Variants in CCDC39 observed in about 807,000 individuals in gnomAD.
CCDC39 encodes the protein coiled-coil domain-containing protein 39.
A neutral mutation model predicts 121.0 loss-of-function variants in CCDC39; 113 were observed. That is an observed-to-expected ratio of 0.93 (90% confidence interval 0.80 to 1.09). CCDC39 has a LOEUF of 1.09. Among genes scored for constraint, CCDC39 ranks in the 50% least tolerant of loss-of-function variants. The pLI is 0.00. For synonymous variants in CCDC39, 349 were observed against 352.2 expected (o/e 0.99, Z 0.10); for missense variants, 1,063 against 1,074.7 (o/e 0.99, Z 0.15).
intron 1 of CCDC39, among the ~76,000 whole-genome samples, chr3:180,677,811 G>A (rs1384890312): frequency 1.3e-5 from 2 of 152,088 alleles, no homozygotes; most frequent in Non-Finnish European, 2.9e-5. Flanking sequence ...CTACAGTACA[G>A]TGGACACTTT....
chr3:180,649,098 G>C (rs1190799899), intron 9 of CCDC39, among the ~76,000 whole-genome samples: 1 of 152,038 alleles, frequency 6.6e-6, no homozygotes, highest in Non-Finnish European at 1.5e-5. Flanking sequence ...TTTAATCATA[G>C]CTGTATTTAG....
At chr3:180,670,802 C>T (rs1712022375) in intron 1 of CCDC39, among the ~76,000 whole-genome samples, 1 of 152,078 alleles carries the variant, frequency 6.6e-6, no homozygotes, top group Non-Finnish European at 1.5e-5. Flanking sequence ...AAAGGCAGGG[C>T]TTCAACCAAA....
chr3:180,672,776 C>T (rs1712084544), intron 1 of CCDC39, among the ~76,000 whole-genome samples: 1 of 152,198 alleles, frequency 6.6e-6, no homozygotes, highest in Admixed American at 6.5e-5. Context: ...TAGGCTATAT[C>T]TGCCATAGAT....
chr3:180,679,438 G>T lies in CCDC39; in HGVS notation c.-58C>A. ...AGATCCGCCTTCTTGTACAGCGGGTGAGCAGCACCCGCGTCAAGCCCAGGC... is the reference window on the plus strand; with the variant it reads ...AGATCCGCCTTCTTGTACAGCGGGTTAGCAGCACCCGCGTCAAGCCCAGGC... On this transcript the variant is annotated 5_prime_UTR_variant, in exon 1 of 20. Coordinates refer to ENST00000476379, the MANE Select transcript of CCDC39 (RefSeq NM_181426.2). The surrounding 1 kb of genome is among the most constrained non-coding windows in gnomAD (Gnocchi z 4.0). 6.6e-7 allele frequency: 1 copy of T among 1,512,922 alleles called. No individual in the cohort carries two copies. The highest frequency in any genetic ancestry group is 9.2e-7 in the Non-Finnish European group (1 of 1,088,648). 93.7% of individuals were successfully genotyped at this position (1,512,922 alleles called of 1,614,324 possible). A position where few individuals can be genotyped will look rare whatever the true frequency, so the allele number is the denominator to read the frequency against.
At position 180,651,665 on chromosome 3, in the gene CCDC39, T is replaced by C. The variant is rs896545167; in HGVS notation, c.1035-132A>G. On this transcript the variant is annotated intron_variant, in intron 8 of 19. Transcript: ENST00000476379. ...TTTGCGTAAACCTTTTTATTACCAC[T>C]ACATATTTAATAGACCATAAAAATA... 5.3e-6 allele frequency: 4 copies of C among 749,616 alleles called. No homozygotes were observed. In the African/African-American group the frequency reaches 5.5e-5, roughly 10 times the overall value. The allele number at this position is 749,616 out of a possible 1,614,324, so 46.4% of individuals were successfully genotyped here.
At position 180,648,206 on chromosome 3, in the gene CCDC39, C is replaced by T; in HGVS notation, c.1321G>A (p.Asp441Asn). ...KHLNHQLQKL[D>N]FETLKQQEIM... is the part of the protein sequence containing the mutation. ...TCTTGCTGCTTCAAGGTTTCAAAAT[C>T]CAGTTTTTGTAACTGATGGTTGAGA... is the stretch of plus-strand genomic sequence containing the variant. Residue 441 changes from aspartate to asparagine, a missense_variant, in exon 10 of 20, where the codon GAT (aspartate) becomes AAT (asparagine). Physicochemically the swap from Asp to Asn is conservative, Grantham distance 23. Transcript: ENST00000476379. 2 of 1,613,410 alleles carry T rather than the reference C, an allele frequency of 1.2e-6. No individual in the cohort carries two copies. Among genetic ancestry groups the T allele is most frequent in the Non-Finnish European group, 1.7e-6 (2 of 1,179,580 alleles).
At chr3:180,634,712 T>C (rs532818694) in intron 13 of CCDC39, among the ~76,000 whole-genome samples, 3 of 152,204 alleles carry the variant, frequency 2.0e-5, no homozygotes, top group East Asian at 1.9e-4. Flanking sequence ...TGAGGAAATA[T>C]AGAGCAGCCA....
chr3:180,628,518 T>C (rs1244829871), intron 14 of CCDC39, among the ~76,000 whole-genome samples: 1 of 152,210 alleles, frequency 6.6e-6, no homozygotes. Flanking sequence ...GAGACATATA[T>C]TTCTGTTGTT....
chr3:180,647,544 A>T (rs1393219279), intron 10 of CCDC39, among the ~76,000 whole-genome samples: 2 of 152,168 alleles, frequency 1.3e-5, no homozygotes, highest in African/African-American at 2.4e-5. Flanking sequence ...CTGGATTTAC[A>T]TGAATTTGGA....
At chr3:180,619,125 CTCTTACTA>C (rs1396117362) in intron 16 of CCDC39, 126 bp downstream of exon 16, 18 of 620,342 alleles carry the variant, frequency 2.9e-5, no homozygotes, top group Non-Finnish European at 3.7e-5. Context: ...AGACTGTTAT[CTCTTACTA>C]TCTACTTCCC....
At chr3:180,639,871 TG>T (rs1560086153) in intron 13 of CCDC39, among the ~76,000 whole-genome samples, 1 of 152,084 alleles carries the variant, frequency 6.6e-6, no homozygotes, top group East Asian at 1.9e-4. Context: ...AGAGAAAAAG[TG>T]TGTCAACCCC....
chr3:180,632,624 T>TA (rs779563305), intron 13 of CCDC39, among the ~76,000 whole-genome samples: 6 of 151,212 alleles, frequency 4.0e-5, no homozygotes, highest in East Asian at 2.0e-4. Context: ...CTTTCTAAAA[T>TA]AAAAAAAGAT....
chr3:180,634,784 C>A (rs538004533), intron 13 of CCDC39, among the ~76,000 whole-genome samples: 1 of 152,140 alleles, frequency 6.6e-6, no homozygotes, highest in Admixed American at 6.5e-5. Flanking sequence ...CTGGATCACA[C>A]CCCAAAGCTT....
Position 180,679,394 on chromosome 3 carries a change from T to C in CCDC39, c.-14A>G, listed in dbSNP as rs749205777. ...TTCGCTACTCATGACTGCAAACGGA[T>C]AGAGAAGATACAGAGCAAAGATCCG... On this transcript the variant is annotated 5_prime_UTR_variant, in exon 1 of 20. Transcript: ENST00000476379. This position sits in a 1 kb window ranked among gnomAD's most constrained non-coding sequence, Gnocchi z 4.0. 2.5e-6 allele frequency: 4 copies of C among 1,610,916 alleles called. No homozygotes were observed. The highest frequency in any genetic ancestry group is 1.3e-5 in the African/African-American group (1 of 74,892).
rs754898796 is a variant in CCDC39, at chr3:180,660,601, T to C, written c.485A>G (p.Lys162Arg). The change falls in exon 4 of 20, where the codon AAG (lysine) becomes AGG (arginine). Residue 162 changes from lysine to arginine, a missense_variant. Physicochemically the swap from Lys to Arg is conservative, Grantham distance 26. Coordinates refer to ENST00000476379, the MANE Select transcript of CCDC39 (RefSeq NM_181426.2). ...HKDSDALTLQ[K>R]YAQQDDNKIR... The stretch of plus-strand genomic sequence containing the variant: ...TTTATTATCATCTTGTTGTGCATAC[T>C]TCTGGAGAGTGAGAGCATCACTATC... 1.9e-6 allele frequency: 3 copies of C among 1,599,202 alleles called. No homozygotes were observed. In the South Asian group the frequency reaches 3.4e-5, roughly 18 times the overall value.
At chr3:180,675,981 AC>A (rs1176822296) in intron 1 of CCDC39, among the ~76,000 whole-genome samples, 1 of 152,220 alleles carries the variant, frequency 6.6e-6, no homozygotes, top group Non-Finnish European at 1.5e-5. Context: ...TACACCTTAT[AC>A]AAAAATTAAT....
At chr3:180,648,011 C>G (rs1275759420) in intron 10 of CCDC39, among the ~76,000 whole-genome samples, 154 bp downstream of exon 10, 1 of 152,026 alleles carries the variant, frequency 6.6e-6, no homozygotes, top group Non-Finnish European at 1.5e-5. Flanking sequence ...GCTCCCTCAC[C>G]CTACTACTGA....
rs1210916819 is a variant in CCDC39 at position 180,660,810 on chromosome 3, T to A, written c.358-82A>T. The A allele has an allele frequency of 4.0e-6, 5 of 1,247,816 alleles. No homozygotes were observed. The African/African-American group carries it at 7.5e-5, about 19-fold the overall frequency. 77.3% of individuals were successfully genotyped at this position (1,247,816 alleles called of 1,614,324 possible). ...GACTAAAATAAAACATACCTTTATATACTATGGAGCAAAATTAAAAATGAG... is the reference window on the plus strand; with the variant it reads ...GACTAAAATAAAACATACCTTTATAAACTATGGAGCAAAATTAAAAATGAG... On this transcript the variant is annotated intron_variant, in intron 3 of 19. Transcript: ENST00000476379.
intron 1 of CCDC39, among the ~76,000 whole-genome samples, chr3:180,677,503 C>T (rs917581478): frequency 1.3e-5 from 2 of 151,600 alleles, no homozygotes; most frequent in African/African-American, 4.8e-5. Context: ...CTAACTTATT[C>T]TTTAAAATCA....
Sources: allele counts gnomAD v4.1 joint callset (sites outside exome capture counted in the v4.1 genomes callset), GRCh38; gene constraint gnomAD v4.1.1; non-coding constraint Gnocchi (gnomAD v3.1); transcripts MANE v1.5; gene names NCBI Gene and HGNC (gene_info 2026-07-23, HGNC 2026-07-21).